Variants in NEDD4L observed in about 807,000 individuals in gnomAD.
NEDD4L encodes the protein NEDD4 like E3 ubiquitin protein ligase, also known as E3 ubiquitin-protein ligase NEDD4-like.
Under a neutral mutation model 148.9 loss-of-function variants are expected in NEDD4L, and 54 were observed. That is an observed-to-expected ratio of 0.36 (90% CI 0.29 to 0.45). NEDD4L has a LOEUF of 0.45. NEDD4L is among the 20% of genes least tolerant of loss of function. The pLI, the probability that NEDD4L is intolerant of heterozygous loss-of-function variation, is 1.00. For missense variants in NEDD4L, 856 were observed against 1,233.8 expected, an observed-to-expected ratio of 0.69 and a Z score of 4.59; for synonymous variants, 433 against 440.7, an observed-to-expected ratio of 0.98 and a Z score of 0.22.
chr18:58,395,098 C>G (rs1268432449), intron 30 of NEDD4L, among the ~76,000 whole-genome samples: 1 of 152,136 alleles, frequency 6.6e-6, no homozygotes, highest in Non-Finnish European at 1.5e-5. Flanking sequence ...AAAGTGATTG[C>G]CAGGGTTCAT....
intron 1 of NEDD4L, among the ~76,000 whole-genome samples, chr18:58,148,842 G>A (rs1025305329): frequency 1.3e-5 from 2 of 152,194 alleles, no homozygotes; most frequent in African/African-American, 4.8e-5. Flanking sequence ...CCAATATGTG[G>A]TGGGTTCAAG....
intron 1 of NEDD4L, among the ~76,000 whole-genome samples, chr18:58,066,665 T>G (rs560392374): frequency 6.6e-6 from 1 of 152,192 alleles, no homozygotes; most frequent in African/African-American, 2.4e-5. Context: ...ACTGCGTAAT[T>G]TATAAAGAAA....
intron 1 of NEDD4L, among the ~76,000 whole-genome samples, chr18:58,057,082 G>A (rs940934449): frequency 1.3e-5 from 2 of 151,790 alleles, no homozygotes; most frequent in Non-Finnish European, 2.9e-5. Flanking sequence ...TTGAGCCAGG[G>A]GTAAAGTCAG....
chr18:58,095,329 AGGT>A (rs1179982458), intron 1 of NEDD4L, among the ~76,000 whole-genome samples: 2 of 152,206 alleles, frequency 1.3e-5, no homozygotes, highest in Non-Finnish European at 2.9e-5. Flanking sequence ...CGCTCTGGGA[AGGT>A]GCAAATGAAA....
At chr18:58,211,458 T>C (rs1295903944) in intron 2 of NEDD4L, among the ~76,000 whole-genome samples, 1 of 152,244 alleles carries the variant, frequency 6.6e-6, no homozygotes, top group African/African-American at 2.4e-5. Flanking sequence ...TAGGAAGACA[T>C]TGAACTAATA....
chr18:58,280,213 G>A (rs1211217912), intron 5 of NEDD4L, among the ~76,000 whole-genome samples: 1 of 152,180 alleles, frequency 6.6e-6, no homozygotes, highest in African/African-American at 2.4e-5. Flanking sequence ...GGTAGATGAT[G>A]CCTCTGGCCT....
chr18:58,044,546 T>G lies in NEDD4L; in HGVS notation c.-115T>G. ...GCCCGGCCGCTTACCCGGCAGGGCG[T>G]GCGCAGGGTAGGGTGCGGGACCGGG... On this transcript the variant is annotated 5_prime_UTR_variant, in exon 1 of 31. Transcript: ENST00000400345. 7.9e-7 allele frequency: 1 copy of G among 1,265,364 alleles called. No individual in the cohort carries two copies. The highest frequency in any genetic ancestry group is 1.0e-6 in the Non-Finnish European group (1 of 995,958). The allele number at this position is 1,265,364 out of a possible 1,614,324, so 78.4% of individuals were successfully genotyped here. A position where few individuals can be genotyped will look rare whatever the true frequency, so the allele number is the denominator to read the frequency against.
chr18:58,317,948 A>G (rs955907870), intron 6 of NEDD4L, among the ~76,000 whole-genome samples: 2 of 152,166 alleles, frequency 1.3e-5, no homozygotes, highest in African/African-American at 4.8e-5. Flanking sequence ...AGAGGCGTGA[A>G]GGTATATTCT....
intron 1 of NEDD4L, among the ~76,000 whole-genome samples, chr18:58,137,454 C>G (rs1428649098): frequency 6.6e-6 from 1 of 152,004 alleles, no homozygotes; most frequent in Non-Finnish European, 1.5e-5. Context: ...AGGACCAGCA[C>G]CAGTGGGGAG....
intron 2 of NEDD4L, among the ~76,000 whole-genome samples, chr18:58,206,714 G>A (rs1256100249): frequency 2.6e-5 from 4 of 152,170 alleles, no homozygotes; most frequent in Non-Finnish European, 5.9e-5. Context: ...AGAGAAATCC[G>A]CAGAAGTGAG....
At chr18:58,133,377 G>A (rs1460706059) in intron 1 of NEDD4L, among the ~76,000 whole-genome samples, 1 of 152,174 alleles carries the variant, frequency 6.6e-6, no homozygotes, top group Non-Finnish European at 1.5e-5. Flanking sequence ...GCCCCAGTGA[G>A]CGGGCTCTCA....
chr18:58,294,831 C>T (rs2149169328), intron 5 of NEDD4L, among the ~76,000 whole-genome samples: 1 of 152,176 alleles, frequency 6.6e-6, no homozygotes, highest in South Asian at 2.1e-4. Context: ...TGTGTTCTTT[C>T]TGTTTTTAAC....
chr18:58,228,013 C>A, intron 2 of NEDD4L: 1 of 177,494 alleles, frequency 5.6e-6, no homozygotes, highest in Non-Finnish European at 1.1e-5. Flanking sequence ...GTATGCTTCA[C>A]GATGGACAGA....
intron 2 of NEDD4L, among the ~76,000 whole-genome samples, chr18:58,232,207 T>A (rs984990737): frequency 1.3e-5 from 2 of 152,202 alleles, no homozygotes; most frequent in African/African-American, 4.8e-5. Context: ...CTACTAATTA[T>A]TACAGAGCTT....
intron 5 of NEDD4L, among the ~76,000 whole-genome samples, chr18:58,283,859 G>A (rs1327827141): frequency 6.6e-6 from 1 of 152,190 alleles, no homozygotes; most frequent in African/African-American, 2.4e-5. Flanking sequence ...AAGTTAAGAT[G>A]AGGCCATGAA....
chr18:58,368,606 T>C (rs1167053596), intron 22 of NEDD4L, among the ~76,000 whole-genome samples: 2 of 152,236 alleles, frequency 1.3e-5, no homozygotes, highest in African/African-American at 4.8e-5. Flanking sequence ...CAGTAACTTA[T>C]AAGAAAGATA....
intron 1 of NEDD4L, among the ~76,000 whole-genome samples, chr18:58,097,667 A>G (rs2084502276): frequency 6.6e-6 from 1 of 152,184 alleles, no homozygotes. Flanking sequence ...GAAGAGGTAA[A>G]TGGTTTCAGA....
At chr18:58,290,277 G>T (rs1036879920) in intron 5 of NEDD4L, among the ~76,000 whole-genome samples, 1 of 152,190 alleles carries the variant, frequency 6.6e-6, no homozygotes, top group African/African-American at 2.4e-5. Context: ...AACCAGATTT[G>T]TTTTGCTAAT....
chr18:58,104,455 G>A (rs202106265), intron 1 of NEDD4L, among the ~76,000 whole-genome samples: 4 of 152,150 alleles, frequency 2.6e-5, no homozygotes, highest in Admixed American at 2.0e-4. Context: ...TGTACTAAAT[G>A]CGCTTAATTG....
Sources: allele counts gnomAD v4.1 joint callset (sites outside exome capture counted in the v4.1 genomes callset), GRCh38; gene constraint gnomAD v4.1.1; transcripts MANE v1.5; gene names NCBI Gene and HGNC (gene_info 2026-07-23, HGNC 2026-07-21).